The following DSE variants were observed in gnomAD, a reference collection of about 807,000 sequenced individuals.
DSE encodes the protein dermatan sulfate epimerase.
Under a neutral mutation model 84.4 loss-of-function variants are expected in DSE, and 36 were observed. The ratio of observed to expected loss-of-function variants is 0.43; its 90% CI spans 0.33 to 0.56. The LOEUF is 0.56. DSE is among the 20% of genes least tolerant of loss of function. The pLI is 0.06. For synonymous variants in DSE, 410 were observed against 430.1 expected (o/e 0.95, Z 0.58); for missense variants, 862 against 1,169.6 (o/e 0.74, Z 3.84).
chr6:116,375,692 T>A (rs1325414081), intron 1 of DSE, among the ~76,000 whole-genome samples: 1 of 152,232 alleles, frequency 6.6e-6, no homozygotes, highest in African/African-American at 2.4e-5. Flanking sequence ...ACCATTACTA[T>A]TAGTAAACTC....
At chr6:116,282,616 A>AAT (rs34359593) in intron 2 of DSE, among the ~76,000 whole-genome samples, 2,820 of 152,316 alleles carry the variant, frequency 0.019, 95 homozygotes, top group African/African-American at 0.064. Flanking sequence ...GGAATATTTG[A>AAT]ATATATAGAG....
At chr6:116,366,538 C>T (rs1779173974), upstream of DSE, 1 of 152,088 alleles carries the variant, frequency 6.6e-6, no homozygotes, top group South Asian at 2.1e-4. Context: ...TTTCAGAGAA[C>T]AATATTATAA....
chr6:116,296,363 A>G (rs1774664523), intron 2 of DSE, among the ~76,000 whole-genome samples: 1 of 152,212 alleles, frequency 6.6e-6, no homozygotes, highest in Admixed American at 6.5e-5. Context: ...GTAGATGTAG[A>G]ACCCTTGGAT....
intron 2 of DSE, among the ~76,000 whole-genome samples, chr6:116,360,406 C>T (rs1778825549): frequency 6.6e-6 from 1 of 152,118 alleles, no homozygotes. Context: ...GAAAAAAAGT[C>T]ATATCTTGAC....
chr6:116,279,711 G>C, intron 2 of DSE: 1 of 1,611,216 alleles, frequency 6.2e-7, no homozygotes, highest in Non-Finnish European at 8.5e-7. Flanking sequence ...GTGTCGCCTC[G>C]CTTTGGTCGC....
chr6:116,275,385 A>G (rs929381557), intron 2 of DSE, among the ~76,000 whole-genome samples: 7 of 152,268 alleles, frequency 4.6e-5, no homozygotes, highest in African/African-American at 1.7e-4. Flanking sequence ...ATGGCATTGC[A>G]AATCTTTTTG....
chr6:116,360,122 A>G (rs371761109), intron 2 of DSE, among the ~76,000 whole-genome samples: 6 of 152,326 alleles, frequency 3.9e-5, no homozygotes, highest in Admixed American at 3.9e-4. Flanking sequence ...CAAACACCGC[A>G]TGTTCTCACT....
At chr6:116,342,587 G>T (rs1405816871) in intron 2 of DSE, among the ~76,000 whole-genome samples, 2 of 152,058 alleles carry the variant, frequency 1.3e-5, no homozygotes, top group Non-Finnish European at 2.9e-5. Context: ...CCTATTTTTT[G>T]TTTCTTTAAG....
intron 1 of DSE, among the ~76,000 whole-genome samples, chr6:116,371,806 G>A (rs1266008970): frequency 6.6e-6 from 1 of 152,228 alleles, no homozygotes; most frequent in Admixed American, 6.5e-5. Context: ...GATGCCACAT[G>A]GGCTCAAGAT....
Position 116,430,969 on chromosome 6 carries a change from C to T in DSE, c.686C>T (p.Ala229Val). The change falls in exon 4 of 6, where the codon GCC (alanine) becomes GTC (valine). Residue 229 changes from alanine (A) to valine (V), a missense_variant. By Grantham distance (64) the Ala-to-Val change is moderately conservative. Around this residue, in one of 4 missense-constraint regions of DSE, gnomAD observed 309 missense variants for 516.9 expected, o/e 0.60. Transcript: ENST00000644252. ...VLMNQGYLQEAYLWTKQVLTI... is the reference protein window; with the variant it reads ...VLMNQGYLQEVYLWTKQVLTI... ...CATCCTTCAGGATATCTTCAAGAAG[C>T]CTACTTATGGACCAAACAAGTTCTG... 1 of 1,613,642 alleles carries T rather than the reference C, an allele frequency of 6.2e-7. No homozygotes were observed. Among genetic ancestry groups the T allele is most frequent in the East Asian group, 2.2e-5 (1 of 44,880 alleles).
At chr6:116,300,963 A>G (rs891283146) in intron 2 of DSE, among the ~76,000 whole-genome samples, 5 of 152,226 alleles carry the variant, frequency 3.3e-5, no homozygotes, top group Non-Finnish European at 7.3e-5. Flanking sequence ...AGCTTAAATG[A>G]TCAGTATTTA....
At chr6:116,416,073 G>A (rs1295172091) in intron 2 of DSE, among the ~76,000 whole-genome samples, 1 of 152,106 alleles carries the variant, frequency 6.6e-6, no homozygotes. Flanking sequence ...TTTGCTTGTA[G>A]CTCCCTGCCT....
chr6:116,376,234 T>C (rs549054951), intron 1 of DSE, among the ~76,000 whole-genome samples: 43 of 152,314 alleles, frequency 2.8e-4, no homozygotes, highest in Admixed American at 2.4e-3. Flanking sequence ...GAGGATTCCA[T>C]TGTGGGGCCA....
chr6:116,403,893 A>G (rs1028120920), intron 2 of DSE, among the ~76,000 whole-genome samples: 7 of 152,146 alleles, frequency 4.6e-5, no homozygotes, highest in Non-Finnish European at 1.0e-4. Flanking sequence ...TGAGAGCGGG[A>G]CCATGCCTGT....
At chr6:116,374,712 TGGTGAGGGA>T (rs1779816328) in intron 1 of DSE, among the ~76,000 whole-genome samples, 1 of 152,116 alleles carries the variant, frequency 6.6e-6, no homozygotes, top group African/African-American at 2.4e-5. Flanking sequence ...GGACCTCACA[TGGTGAGGGA>T]GTTGTTCATG....
chr6:116,302,768 G>A (rs1258393523), intron 2 of DSE, among the ~76,000 whole-genome samples: 1 of 152,104 alleles, frequency 6.6e-6, no homozygotes, highest in Non-Finnish European at 1.5e-5. Flanking sequence ...GTTTTTTATG[G>A]TTTTAGGTAT....
At chr6:116,329,391 C>G (rs1331234210) in intron 2 of DSE, among the ~76,000 whole-genome samples, 1 of 152,004 alleles carries the variant, frequency 6.6e-6, no homozygotes, top group African/African-American at 2.4e-5. Flanking sequence ...GAGAATTTTA[C>G]CAAATATGAT....
chr6:116,312,191 A>G (rs945155956), intron 2 of DSE, among the ~76,000 whole-genome samples: 2 of 152,196 alleles, frequency 1.3e-5, no homozygotes, highest in Non-Finnish European at 2.9e-5. Flanking sequence ...GGTCCAGTGA[A>G]TATGGAAGTC....
At chr6:116,400,815 C>T (rs1308388128) in intron 2 of DSE, 2 of 151,902 alleles carry the variant, frequency 1.3e-5, no homozygotes, top group South Asian at 4.2e-4. Context: ...ATTCTTGACA[C>T]CAAGAAAGAA....
Sources: gnomAD v4.1 joint callset for allele counts (sites outside exome capture counted in the v4.1 genomes callset) on GRCh38, gnomAD v4.1.1 for gene constraint, gnomAD v4.1.1 regional missense constraint, MANE v1.5 for transcripts, NCBI Gene and HGNC (gene_info 2026-07-23, HGNC 2026-07-21) for gene names.